The following DGKB variants were observed in gnomAD, a reference collection of about 807,000 sequenced individuals.
DGKB encodes the protein 90 kDa diacylglycerol kinase.
Under a neutral mutation model 114.3 loss-of-function variants are expected in DGKB, and 67 were observed. The ratio of observed to expected loss-of-function variants is 0.59; its 90% confidence interval spans 0.48 to 0.72. DGKB has a LOEUF of 0.72. Ranked by LOEUF, DGKB falls within the 30% of genes least tolerant of loss-of-function variation. The pLI is 0.00. For synonymous variants in DGKB, 398 were observed against 323.1 expected, an observed-to-expected ratio of 1.23 and a Z score of -2.49; for missense variants, 907 against 975.2, an observed-to-expected ratio of 0.93 and a Z score of 0.93.
chr7:14,500,972 G>A (rs1378254678), intron 20 of DGKB, among the ~76,000 whole-genome samples: 3 of 151,666 alleles, frequency 2.0e-5, no homozygotes, highest in African/African-American at 4.8e-5. Flanking sequence ...AATAATAAAC[G>A]GGACAAGAAT....
chr7:14,921,864 C>T (rs1165567196), intron 1 of DGKB, among the ~76,000 whole-genome samples: 7 of 152,128 alleles, frequency 4.6e-5, no homozygotes, highest in African/African-American at 1.7e-4. Context: ...ATTAAATCTA[C>T]ATTTTAAAAC....
intron 2 of DGKB, among the ~76,000 whole-genome samples, chr7:14,829,570 T>C (rs1051685247): frequency 2.0e-5 from 3 of 152,084 alleles, no homozygotes; most frequent in Admixed American, 2.0e-4. Flanking sequence ...ACCTGGAGTT[T>C]TATCAGTGAA....
chr7:14,592,358 G>C (rs116442531), intron 17 of DGKB, among the ~76,000 whole-genome samples: 444 of 151,958 alleles, frequency 2.9e-3, no homozygotes, highest in African/African-American at 9.9e-3. Flanking sequence ...CGAAAGGTCT[G>C]CATTTTGATT....
intron 1 of DGKB, among the ~76,000 whole-genome samples, chr7:14,948,173 A>T (rs944594574): frequency 6.6e-6 from 1 of 151,838 alleles, no homozygotes; most frequent in African/African-American, 2.4e-5. Flanking sequence ...TCTGAAATAG[A>T]ATAGCAAATC....
chr7:14,463,922 T>C (rs961096496), intron 21 of DGKB, among the ~76,000 whole-genome samples: 7 of 152,146 alleles, frequency 4.6e-5, no homozygotes, highest in Non-Finnish European at 8.8e-5. Flanking sequence ...GACACACAAC[T>C]TACACGTTAG....
chr7:14,356,529 T>C (rs1235562213), intron 21 of DGKB, among the ~76,000 whole-genome samples: 1 of 151,768 alleles, frequency 6.6e-6, no homozygotes, highest in African/African-American at 2.4e-5. Context: ...GCCCAGCTAA[T>C]TTTTTGTATT....
In DGKB at chr7:14,567,594, GATAT is replaced by G. The variant is rs577240186; in HGVS notation, c.1770+6614_1770+6617del. On this transcript the variant is annotated intron_variant, in intron 20 of 25. Transcript: ENST00000402815. ...ATATAATTATCCAATTATAAATAAA[GATAT>G]ATATATATATATATATCTTTTTTAT... Among the ~76,000 whole-genome samples, 69 of 98,440 alleles carry G rather than the reference GATAT, an allele frequency of 7.0e-4. 1 individual carries two copies. Among genetic ancestry groups the G allele is most frequent in the African/African-American group, 2.4e-3 (60 of 25,496 alleles). 64.6% of individuals were successfully genotyped at this position (98,440 alleles called of 152,430 possible).
At chr7:14,831,600 G>T (rs1846421881) in intron 2 of DGKB, among the ~76,000 whole-genome samples, 1 of 151,774 alleles carries the variant, frequency 6.6e-6, no homozygotes, top group Admixed American at 6.6e-5. Context: ...TAAAGTAGGG[G>T]GACAGAAAAA....
At chr7:14,358,243 T>A (rs1392019849) in intron 21 of DGKB, among the ~76,000 whole-genome samples, 3 of 152,212 alleles carry the variant, frequency 2.0e-5, no homozygotes, top group Non-Finnish European at 4.4e-5. Context: ...CAAATGTAGA[T>A]TTGGTCTTTT....
intron 1 of DGKB, among the ~76,000 whole-genome samples, chr7:14,967,642 T>A (rs1430809153): frequency 7.6e-6 from 1 of 132,374 alleles, no homozygotes; most frequent in Non-Finnish European, 1.5e-5. Context: ...TTTACAAGCA[T>A]GTGATTTATT....
intron 20 of DGKB, among the ~76,000 whole-genome samples, chr7:14,503,965 G>A (rs1407082708): frequency 6.6e-6 from 1 of 152,110 alleles, no homozygotes; most frequent in Non-Finnish European, 1.5e-5. Context: ...AGCTGCCTTA[G>A]AAAATGAAAA....
At chr7:14,281,579 C>A (rs1282831599) in intron 23 of DGKB, among the ~76,000 whole-genome samples, 3 of 147,430 alleles carry the variant, frequency 2.0e-5, no homozygotes, top group East Asian at 4.1e-4. Flanking sequence ...CACCACACCA[C>A]ACCTATTCCA....
chr7:14,665,444 TA>T (rs1366474487), intron 13 of DGKB, among the ~76,000 whole-genome samples: 1 of 151,942 alleles, frequency 6.6e-6, no homozygotes, highest in African/African-American at 2.4e-5. Context: ...GGTGATGAAA[TA>T]ATCTGTACAA....
At chr7:14,265,135 A>G (rs2128419928) in intron 23 of DGKB, among the ~76,000 whole-genome samples, 1 of 107,002 alleles carries the variant, frequency 9.3e-6, no homozygotes, top group South Asian at 3.3e-4. Context: ...TCCAATCCGG[A>G]GATCATTTTT....
intron 21 of DGKB, among the ~76,000 whole-genome samples, chr7:14,393,559 T>C (rs1030872963): frequency 3.9e-5 from 6 of 151,942 alleles, no homozygotes; most frequent in African/African-American, 1.4e-4. Flanking sequence ...TGAGAATTCA[T>C]TATCTGGCCT....
intron 13 of DGKB, among the ~76,000 whole-genome samples, chr7:14,658,804 A>T (rs1004496604): frequency 6.6e-6 from 1 of 152,038 alleles, no homozygotes; most frequent in East Asian, 1.9e-4. Flanking sequence ...ATACTAAAGA[A>T]TATTTTTTAA....
chr7:14,217,177 C>T (rs904784941), intron 23 of DGKB, among the ~76,000 whole-genome samples: 1 of 151,970 alleles, frequency 6.6e-6, no homozygotes, highest in Non-Finnish European at 1.5e-5. Context: ...AAGCAGATGC[C>T]TAAGTATTCT....
chr7:14,720,040 G>T (rs2128354426), intron 5 of DGKB, among the ~76,000 whole-genome samples: 2 of 151,992 alleles, frequency 1.3e-5, no homozygotes, highest in South Asian at 2.1e-4. Flanking sequence ...TTTGTTCAAG[G>T]CCAATCATAA....
chr7:14,785,770 A>T (rs1321459853), intron 2 of DGKB, among the ~76,000 whole-genome samples: 2 of 152,178 alleles, frequency 1.3e-5, no homozygotes, highest in South Asian at 4.1e-4. Flanking sequence ...CATGAGAGCC[A>T]TTATTTCTGA....
Sources: allele counts gnomAD v4.1 joint callset (sites outside exome capture counted in the v4.1 genomes callset), GRCh38; gene constraint gnomAD v4.1.1; transcripts MANE v1.5; gene names NCBI Gene and HGNC (gene_info 2026-07-23, HGNC 2026-07-21).